Variants in ARHGAP8 observed in about 807,000 individuals in gnomAD.
ARHGAP8 encodes rho GTPase-activating protein 8.
ARHGAP8 carries 62 observed loss-of-function variants against 46.1 expected under a neutral mutation model. The ratio of observed to expected loss-of-function variants is 1.34; its 90% CI spans 1.10 to 1.66. The LOEUF is 1.66. ARHGAP8 is among the 40% of genes most tolerant of loss of function. The pLI is 0.00. For missense variants in ARHGAP8, 923 were observed against 568.4 expected (o/e 1.62, Z -6.34); for synonymous variants, 375 against 243.1 (o/e 1.54, Z -5.05).
intron 3 of ARHGAP8, among the ~76,000 whole-genome samples, chr22:44,806,323 GT>G (rs1356169463): frequency 6.6e-6 from 1 of 152,208 alleles, no homozygotes; most frequent in Non-Finnish European, 1.5e-5. Flanking sequence ...GAGTTTTGAA[GT>G]TACTTCCACA....
intron 1 of ARHGAP8, among the ~76,000 whole-genome samples, chr22:44,758,663 G>A (rs1013294343): frequency 9.9e-5 from 15 of 152,124 alleles, no homozygotes; most frequent in African/African-American, 3.6e-4. Flanking sequence ...AGGTGGCAGT[G>A]GGGGGTGTAT....
intron 5 of ARHGAP8, among the ~76,000 whole-genome samples, 156 bp downstream of exon 5, chr22:44,814,914 T>C (rs577526672): frequency 6.6e-6 from 1 of 152,074 alleles, no homozygotes; most frequent in Non-Finnish European, 1.5e-5. Context: ...CTGCGGGGGG[T>C]CACAAGGCCA....
At chr22:44,769,037 G>A (rs756552523) in intron 1 of ARHGAP8, among the ~76,000 whole-genome samples, 6 of 152,042 alleles carry the variant, frequency 3.9e-5, no homozygotes, top group Non-Finnish European at 8.8e-5. Context: ...GTTTCACCAT[G>A]TTGGCCAGGC....
chr22:44,862,483 A>AG lies in ARHGAP8; in HGVS notation c.1194dup (p.Ser399GlufsTer76). Reference sequence around the variant, plus strand: ...GAGCACGGCCTGGCACCATGGGAACAGGGGAGCAGGGCAGCCCCTTTGCAG... The same window carrying AG: ...GAGCACGGCCTGGCACCATGGGAACAGGGGGAGCAGGGCAGCCCCTTTGCAG... On this transcript the variant is annotated frameshift_variant, in exon 12 of 12. Coordinates refer to ENST00000356099, the MANE Select transcript of ARHGAP8 (RefSeq NM_181335.3). LOFTEE classifies it low-confidence loss of function (END_TRUNC). 1.2e-6 allele frequency: 2 copies of AG among 1,612,950 alleles called. No homozygotes were observed. Among genetic ancestry groups the AG allele is most frequent in the South Asian group, 2.2e-5 (2 of 91,050 alleles).
intron 3 of ARHGAP8, among the ~76,000 whole-genome samples, chr22:44,803,920 A>T (rs1244394043): frequency 6.6e-6 from 1 of 151,424 alleles, no homozygotes; most frequent in Non-Finnish European, 1.5e-5. Context: ...AGACTAACCT[A>T]AAGTAGATTG....
intron 10 of ARHGAP8, among the ~76,000 whole-genome samples, chr22:44,857,888 G>T (rs1236593716): frequency 6.6e-6 from 1 of 151,902 alleles, no homozygotes; most frequent in South Asian, 2.1e-4. Context: ...ATTGGCGGTT[G>T]TGACGCTCAG....
chr22:44,852,322 T>C (rs1475679598), intron 10 of ARHGAP8, among the ~76,000 whole-genome samples: 1 of 152,068 alleles, frequency 6.6e-6, no homozygotes, highest in Non-Finnish European at 1.5e-5. Context: ...TCAATTCCTT[T>C]TGTCATTCCG....
intron 7 of ARHGAP8, among the ~76,000 whole-genome samples, chr22:44,838,245 C>T (rs1931420751): frequency 6.6e-6 from 1 of 151,878 alleles, no homozygotes; most frequent in Non-Finnish European, 1.5e-5. Context: ...TCAAGCAATT[C>T]TCCTGCCTCA....
At chr22:44,753,922 C>T (rs1924457799) in intron 1 of ARHGAP8, among the ~76,000 whole-genome samples, 1 of 152,204 alleles carries the variant, frequency 6.6e-6, no homozygotes, top group African/African-American at 2.4e-5. Flanking sequence ...AGTCGATGTC[C>T]TTTGGTTGGC....
intron 3 of ARHGAP8, among the ~76,000 whole-genome samples, chr22:44,805,818 C>T (rs1231394357): frequency 1.3e-5 from 2 of 152,264 alleles, no homozygotes; most frequent in African/African-American, 2.4e-5. Flanking sequence ...TCCATTCCAA[C>T]CGGATGGCTT....
At chr22:44,861,983 A>G (rs573215261) in intron 11 of ARHGAP8, among the ~76,000 whole-genome samples, 1 of 152,298 alleles carries the variant, frequency 6.6e-6, no homozygotes. Context: ...CCAAGATTGC[A>G]TCTCCCCAGA....
intron 1 of ARHGAP8, among the ~76,000 whole-genome samples, chr22:44,785,289 G>A (rs890974718): frequency 1.2e-4 from 19 of 152,126 alleles, no homozygotes; most frequent in Non-Finnish European, 2.4e-4. Flanking sequence ...TCCTCGGGCC[G>A]CCAGCAAAGT....
intron 7 of ARHGAP8, among the ~76,000 whole-genome samples, chr22:44,841,544 C>T (rs1025499327): frequency 2.6e-5 from 4 of 152,152 alleles, no homozygotes; most frequent in East Asian, 1.9e-4. Flanking sequence ...TACCGGACTG[C>T]GCTCAGGGTA....
At chr22:44,824,002 C>T (rs918926126) in intron 6 of ARHGAP8, among the ~76,000 whole-genome samples, 5 of 152,130 alleles carry the variant, frequency 3.3e-5, no homozygotes, top group East Asian at 3.9e-4. Flanking sequence ...CCAGAGGACA[C>T]GTCCAATGCT....
chr22:44,753,925 T>C (rs1372764579), intron 1 of ARHGAP8, among the ~76,000 whole-genome samples: 1 of 152,196 alleles, frequency 6.6e-6, no homozygotes, highest in Non-Finnish European at 1.5e-5. Flanking sequence ...CGATGTCCTT[T>C]GGTTGGCCTC....
chr22:44,831,985 T>G (rs1930978331), intron 7 of ARHGAP8, among the ~76,000 whole-genome samples: 1 of 152,184 alleles, frequency 6.6e-6, no homozygotes, highest in Non-Finnish European at 1.5e-5. Flanking sequence ...AGCTCGTTAA[T>G]TTCTGTAAAA....
At chr22:44,819,597 C>T (rs372295042) in intron 5 of ARHGAP8, among the ~76,000 whole-genome samples, 3 of 152,114 alleles carry the variant, frequency 2.0e-5, no homozygotes, top group Admixed American at 6.5e-5. Flanking sequence ...CGCTTGAACC[C>T]GGGAGACGGA....
rs2147216204 is a variant in ARHGAP8 at position 44,862,775 on chromosome 22, G to C, written c.*180G>C. 10 of 717,994 alleles carry C rather than the reference G, an allele frequency of 1.4e-5. No homozygotes were observed. The highest frequency in any genetic ancestry group is 5.9e-5 in the South Asian group (2 of 33,830). The allele number at this position is 717,994 out of a possible 1,614,324, so 44.5% of individuals were successfully genotyped here. A position where few individuals can be genotyped will look rare whatever the true frequency, so the allele number is the denominator to read the frequency against. ...CCATGGTTCCTGAGCTGTGGACCGG[G>C]ATAGAATAATGCATTTGTTAGGATG... On this transcript the variant is annotated 3_prime_UTR_variant, in exon 12 of 12. Coordinates refer to ENST00000356099, the MANE Select transcript of ARHGAP8 (RefSeq NM_181335.3).
In ARHGAP8 at chr22:44,862,259, G is replaced by T. The variant is rs376168388; in HGVS notation, c.982-16G>T. 2 of 1,576,420 alleles carry T rather than the reference G, an allele frequency of 1.3e-6. No homozygotes were observed. The highest frequency in any genetic ancestry group is 2.3e-5 in the East Asian group (1 of 44,362). On this transcript the variant is annotated splice_polypyrimidine_tract_variant and intron_variant, in intron 11 of 11. Transcript: ENST00000356099. The stretch of plus-strand genomic sequence containing the variant: ...TTGGTGTTCACTCCCCTTTACTTGT[G>T]TGTGGTTTCCTCCAGGTGTCCCGGG...
Sources: allele counts gnomAD v4.1 joint callset (sites outside exome capture counted in the v4.1 genomes callset), GRCh38; gene constraint gnomAD v4.1.1; transcripts MANE v1.5; gene names NCBI Gene and HGNC (gene_info 2026-07-23, HGNC 2026-07-21).